MSH3: variants seen among roughly 807,000 people sequenced by gnomAD.
The protein encoded by MSH3 is DNA mismatch repair protein Msh3.
A neutral mutation model predicts 123.3 loss-of-function variants in MSH3; 106 were observed. The observed-to-expected ratio is 0.86, with a 90% CI of 0.73 to 1.01. The LOEUF (loss-of-function observed/expected upper bound fraction) is 1.01. Ranked by LOEUF, MSH3 falls within the 50% of genes least tolerant of loss-of-function variation. The probability of loss-of-function intolerance (pLI) is 0.00; values close to 1 mark genes in which losing one functional copy is unlikely to be tolerated. For synonymous variants in MSH3, 515 were observed against 481.4 expected, an observed-to-expected ratio of 1.07 and a Z score of -0.91; for missense variants, 1,459 against 1,347.6, an observed-to-expected ratio of 1.08 and a Z score of -1.29.
intron 20 of MSH3, among the ~76,000 whole-genome samples, chr5:80,833,344 G>A (rs1745451795): frequency 1.3e-5 from 2 of 152,038 alleles, no homozygotes; most frequent in Non-Finnish European, 1.5e-5. Context: ...CATATGCTGT[G>A]GAATTCCCTA....
At chr5:80,716,291 C>T (rs1490824183) in intron 8 of MSH3, among the ~76,000 whole-genome samples, 2 of 152,102 alleles carry the variant, frequency 1.3e-5, no homozygotes, top group Non-Finnish European at 1.5e-5. Context: ...CCTCAGTAAA[C>T]TTTTATTTAG....
chr5:80,797,004 G>A (rs1267000215), intron 19 of MSH3, among the ~76,000 whole-genome samples: 1 of 152,046 alleles, frequency 6.6e-6, no homozygotes, highest in Non-Finnish European at 1.5e-5. Context: ...GGACTTGGCA[G>A]ATGGTTTTCC....
chr5:80,654,891 C>A lies in MSH3; in HGVS notation c.164C>A (p.Ala55Glu), dbSNP rs1749204582. Residue 55 changes from alanine (A) to glutamate (E), a missense_variant, in exon 1 of 24, where the codon GCA (alanine) becomes GAA (glutamate). Physicochemically the swap from Ala to Glu is moderately radical, Grantham distance 107. Coordinates refer to ENST00000265081, the MANE Select transcript of MSH3 (RefSeq NM_002439.5). ...GTGGACCCTGGCGCTGCAGCGGCTG[C>A]AGCGGCCGCAGCGGCCGCAGCGCCC... ...DQVDPGAAAA[A>E]AAAAAAAPPA... 1 of 818,316 alleles carries A rather than the reference C, an allele frequency of 1.2e-6. No individual in the cohort carries two copies. The highest frequency in any genetic ancestry group is 1.7e-6 in the Non-Finnish European group (1 of 599,958). The allele number at this position is 818,316 out of a possible 1,614,324, so 50.7% of individuals were successfully genotyped here.
At chr5:80,692,763 C>T (rs1157954058) in intron 8 of MSH3, among the ~76,000 whole-genome samples, 1 of 99,238 alleles carries the variant, frequency 1.0e-5, no homozygotes, top group Non-Finnish European at 2.4e-5. Context: ...GATAAATATA[C>T]ATACACATGT....
At position 80,802,755 on chromosome 5, in the gene MSH3, C is replaced by T. The variant is rs1403495505; in HGVS notation, c.2655+9911C>T. ...TTCCCAGCCTCTGGTAACCATCCTT[C>T]TGCTCTTTATCTCCATGAGTTTAAT... is the stretch of plus-strand genomic sequence containing the variant. On this transcript the variant is annotated intron_variant, in intron 19 of 23. Transcript: ENST00000265081. Among the ~76,000 whole-genome samples, 3 of 152,178 alleles carry T rather than the reference C, an allele frequency of 2.0e-5. No individual in the cohort carries two copies. The East Asian group carries it at 5.8e-4, about 29-fold the overall frequency.
intron 2 of MSH3, among the ~76,000 whole-genome samples, chr5:80,659,433 C>T (rs931455429): frequency 6.6e-6 from 1 of 152,118 alleles, no homozygotes; most frequent in African/African-American, 2.4e-5. Flanking sequence ...CCCTAGGTAA[C>T]CACTAATCTA....
chr5:80,831,416 G>A (rs188118593), intron 20 of MSH3, among the ~76,000 whole-genome samples: 7 of 152,228 alleles, frequency 4.6e-5, no homozygotes, highest in African/African-American at 9.6e-5. Flanking sequence ...GTGCACATAT[G>A]TAGTGGTAAA....
chr5:80,681,616 TTATATTTTATTAACTTAGTA>T lies in MSH3; in HGVS notation c.1340+2557_1340+2576del, dbSNP rs1295385227. ...TGTCTTTGATTTAGTTCATTTTTCT[TTATATTTTATTAACTTAGTA>T]TATATTTTATTAACTTAGTATATAT... On this transcript the variant is annotated intron_variant, in intron 8 of 23. Transcript: ENST00000265081. Among the ~76,000 whole-genome samples, 286 of 151,698 alleles carry T rather than the reference TTATATTTTATTAACTTAGTA, an allele frequency of 1.9e-3. 2 individuals are homozygous for T. Among genetic ancestry groups the T allele is most frequent in the African/African-American group, 5.3e-3 (221 of 41,472 alleles).
At position 80,679,179 on chromosome 5, in the gene MSH3, A is replaced by G; in HGVS notation, c.1340+86A>G. On this transcript the variant is annotated intron_variant, in intron 8 of 23. Transcript: ENST00000265081. ...CTGATACTTATTAAAGTTGCTAAAA[A>G]TAGTTTTTACTTACAAAAATTATAT... The G allele has an allele frequency of 4.3e-6, 6 of 1,400,528 alleles. No individual in the cohort carries two copies. The South Asian group carries it at 4.7e-5, about 11-fold the overall frequency. The allele number at this position is 1,400,528 out of a possible 1,614,324, so 86.8% of individuals were successfully genotyped here.
intron 22 of MSH3, among the ~76,000 whole-genome samples, chr5:80,869,020 G>T (rs1746153297): frequency 1.3e-5 from 2 of 152,220 alleles, no homozygotes. Context: ...TCTTTTGGAT[G>T]GCTTCTATAA....
intron 20 of MSH3, among the ~76,000 whole-genome samples, chr5:80,830,146 T>C (rs1386916440): frequency 2.6e-5 from 4 of 152,342 alleles, no homozygotes; most frequent in African/African-American, 9.6e-5. Flanking sequence ...CTAGAAATTA[T>C]TAATTTTCTT....
chr5:80,848,102 G>A (rs1222435106), intron 20 of MSH3, among the ~76,000 whole-genome samples: 1 of 152,220 alleles, frequency 6.6e-6, no homozygotes, highest in African/African-American at 2.4e-5. Flanking sequence ...AGCCAGGCAT[G>A]CCTGTAGTCC....
At chr5:80,824,296 G>A (rs1397916819) in intron 20 of MSH3, among the ~76,000 whole-genome samples, 9 of 151,678 alleles carry the variant, frequency 5.9e-5, no homozygotes, top group African/African-American at 1.7e-4. Flanking sequence ...CTCACCTCCC[G>A]GACGGGGTGG....
At chr5:80,862,785 T>C (rs1746035240) in intron 21 of MSH3, among the ~76,000 whole-genome samples, 1 of 152,090 alleles carries the variant, frequency 6.6e-6, no homozygotes, top group Non-Finnish European at 1.5e-5. Context: ...TGTTAATTCA[T>C]ACTGACACTA....
chr5:80,734,467 G>A (rs925147090), intron 10 of MSH3, among the ~76,000 whole-genome samples: 1 of 152,190 alleles, frequency 6.6e-6, no homozygotes, highest in African/African-American at 2.4e-5. Context: ...TATCAATAAA[G>A]TTGATAGACA....
chr5:80,706,097 T>G (rs1750718117), intron 8 of MSH3, among the ~76,000 whole-genome samples: 1 of 152,236 alleles, frequency 6.6e-6, no homozygotes, highest in South Asian at 2.1e-4. Context: ...ATATACTTTT[T>G]TATTCATTGA....
chr5:80,852,455 C>T (rs1745846256), intron 20 of MSH3, among the ~76,000 whole-genome samples: 2 of 152,206 alleles, frequency 1.3e-5, no homozygotes, highest in Admixed American at 1.3e-4. Context: ...TTCTTTCTGT[C>T]AGCTCACATC....
intron 19 of MSH3, among the ~76,000 whole-genome samples, chr5:80,800,263 A>G (rs1554073714): frequency 1.3e-5 from 2 of 152,174 alleles, no homozygotes; most frequent in Non-Finnish European, 2.9e-5. Context: ...TAATTCATTC[A>G]TCCCCCTTTA....
intron 8 of MSH3, among the ~76,000 whole-genome samples, chr5:80,683,298 G>A (rs946931628): frequency 4.6e-5 from 7 of 151,906 alleles, no homozygotes; most frequent in African/African-American, 1.7e-4. Flanking sequence ...ACTCTCCATA[G>A]TGGTTGTACT....
Sources: allele counts gnomAD v4.1 joint callset (sites outside exome capture counted in the v4.1 genomes callset), GRCh38; gene constraint gnomAD v4.1.1; transcripts MANE v1.5; gene names NCBI Gene and HGNC (gene_info 2026-07-23, HGNC 2026-07-21).